The following MTCH2 variants were observed in gnomAD, a reference collection of about 807,000 sequenced individuals.
MTCH2 encodes mitochondrial carrier homolog 2.
MTCH2 carries 25 observed loss-of-function variants against 50.6 expected under a neutral mutation model. That is an observed-to-expected ratio of 0.49 (90% CI 0.36 to 0.69). The LOEUF (loss-of-function observed/expected upper bound fraction) is 0.69, where lower values mean the gene tolerates loss of function less well. Ranked by LOEUF, MTCH2 falls within the 30% of genes least tolerant of loss-of-function variation. The pLI, the probability that MTCH2 is intolerant of heterozygous loss-of-function variation, is 0.00. For synonymous variants in MTCH2, 106 were observed against 132.0 expected (o/e 0.80, Z 1.35); for missense variants, 273 against 384.4 (o/e 0.71, Z 2.42).
At chr11:47,642,345 G>T in intron 1 of MTCH2, 34 bp downstream of exon 1, 1 of 1,429,336 alleles carries the variant, frequency 7.0e-7, no homozygotes, top group South Asian at 1.3e-5. Context: ...CGAACGGGGC[G>T]CCGGGCGGGG....
the MTCH2 span, among the ~76,000 whole-genome samples, chr11:47,611,796 A>G: frequency 6.6e-6 from 1 of 152,206 alleles, no homozygotes; most frequent in African/African-American, 2.4e-5. Context: ...ATTCTTTTTC[A>G]GAGTTGCAAT....
chr11:47,637,765 A>G (rs895578447), intron 3 of MTCH2, among the ~76,000 whole-genome samples: 4 of 152,238 alleles, frequency 2.6e-5, no homozygotes, highest in African/African-American at 9.6e-5. Flanking sequence ...GTTTAAAAAA[A>G]TCACGGGCAA....
intron 3 of MTCH2, 124 bp from the exon 4 acceptor site, chr11:47,635,695 T>G: frequency 1.2e-6 from 1 of 845,550 alleles, no homozygotes; most frequent in Non-Finnish European, 1.8e-6. Context: ...TTTTGTTTTT[T>G]TTTTTAAGCT....
chr11:47,609,642 A>G, the MTCH2 span, among the ~76,000 whole-genome samples: 7 of 139,656 alleles, frequency 5.0e-5, no homozygotes, highest in African/African-American at 1.7e-4. Flanking sequence ...AAAAAAAAAA[A>G]AAAAAAAAAG....
At chr11:47,621,600 TTTC>T (rs1275759071) in intron 12 of MTCH2, among the ~76,000 whole-genome samples, 3 of 152,148 alleles carry the variant, frequency 2.0e-5, no homozygotes, top group African/African-American at 4.8e-5. Context: ...GCCCAGCTAA[TTTC>T]TTTTGTATTT....
At chr11:47,627,189 T>C (rs1486698375) in intron 9 of MTCH2, 62 bp from the exon 10 acceptor site, 4 of 1,242,102 alleles carry the variant, frequency 3.2e-6, no homozygotes, top group Non-Finnish European at 4.5e-6. Flanking sequence ...CAATATATTC[T>C]TTTTTCCTTT....
the MTCH2 span, among the ~76,000 whole-genome samples, chr11:47,606,368 G>C: frequency 6.6e-6 from 1 of 152,152 alleles, no homozygotes; most frequent in African/African-American, 2.4e-5. Flanking sequence ...CCTCTTGCTT[G>C]AACATAACCA....
chr11:47,632,704 TTTC>T (rs1380608314), intron 5 of MTCH2, among the ~76,000 whole-genome samples: 2 of 151,658 alleles, frequency 1.3e-5, no homozygotes, highest in East Asian at 3.9e-4. Context: ...AGTTTTTTCT[TTTC>T]TTTTTTTTTG....
Position 47,618,766 on chromosome 11 carries a change from C to T in MTCH2, c.*67G>A, listed in dbSNP as rs546602652. On this transcript the variant is annotated 3_prime_UTR_variant, in exon 13 of 13. Transcript: ENST00000302503. The stretch of plus-strand genomic sequence containing the variant: ...AAAGCGCGCCACACTGTATAGAAAT[C>T]AACATTCTCTCCCATAATTCTGTGC... The T allele has an allele frequency of 4.1e-6, 6 of 1,475,776 alleles. No individual in the cohort carries two copies. The highest frequency in any genetic ancestry group is 3.4e-5 in the South Asian group (3 of 88,320). 91.4% of individuals were successfully genotyped at this position (1,475,776 alleles called of 1,614,324 possible). A position where few individuals can be genotyped will look rare whatever the true frequency, so the allele number is the denominator to read the frequency against.
In MTCH2 at chr11:47,618,164, CTTATT is replaced by C. The variant is rs1463907452; in HGVS notation, c.*664_*668del. The stretch of plus-strand genomic sequence containing the variant: ...TTCTTTGTTGTTGCTGACCCTTTAT[CTTATT>C]TATTTTTTTTCAGGTAGCCTCTTGA... On this transcript the variant is annotated 3_prime_UTR_variant, in exon 13 of 13. Coordinates refer to ENST00000302503, the MANE Select transcript of MTCH2 (RefSeq NM_014342.4). 6.6e-6 allele frequency: 1 copy of C among 152,090 alleles called. No homozygotes were observed. The highest frequency in any genetic ancestry group is 1.5e-5 in the Non-Finnish European group (1 of 68,024). 9.4% of individuals were successfully genotyped at this position (152,090 alleles called of 1,614,324 possible).
chr11:47,620,719 G>A (rs1453696605), intron 12 of MTCH2, among the ~76,000 whole-genome samples: 1 of 152,120 alleles, frequency 6.6e-6, no homozygotes, highest in Non-Finnish European at 1.5e-5. Flanking sequence ...AGTACACTCT[G>A]GAGTATAAAT....
At chr11:47,631,844 C>T in intron 5 of MTCH2, 133 bp from the exon 6 acceptor site, 1 of 816,154 alleles carries the variant, frequency 1.2e-6, no homozygotes, top group Non-Finnish European at 2.0e-6. Flanking sequence ...TGGCTGGAGT[C>T]AAGAAGAGTT....
At chr11:47,638,856 T>C (rs746022302) in intron 2 of MTCH2, 51 bp from the exon 3 acceptor site, 2 of 1,584,982 alleles carry the variant, frequency 1.3e-6, no homozygotes, top group Admixed American at 1.7e-5. Context: ...GAGAAATGGA[T>C]ATACTACAAT....
At chr11:47,623,558 T>C (rs2097295282) in intron 11 of MTCH2, among the ~76,000 whole-genome samples, 1 of 152,140 alleles carries the variant, frequency 6.6e-6, no homozygotes, top group South Asian at 2.1e-4. Flanking sequence ...CCTTCAAGTT[T>C]ACACTGTGCT....
intron 5 of MTCH2, among the ~76,000 whole-genome samples, chr11:47,633,113 G>A (rs1598848054): frequency 1.8e-5 from 1 of 56,106 alleles, no homozygotes; most frequent in East Asian, 5.9e-4. Context: ...ATGTATCCCT[G>A]CTTTTTTTTT....
At chr11:47,630,949 A>T in intron 7 of MTCH2, 87 bp downstream of exon 7, 1 of 1,074,118 alleles carries the variant, frequency 9.3e-7, no homozygotes, top group Non-Finnish European at 1.4e-6. Context: ...ACAAATTGTA[A>T]GGGTATCATA....
At chr11:47,633,266 T>G (rs1049007643) in intron 5 of MTCH2, among the ~76,000 whole-genome samples, 1 of 150,342 alleles carries the variant, frequency 6.7e-6, no homozygotes, top group Admixed American at 6.7e-5. Context: ...CCTGCCACCA[T>G]GCCCAGCTAA....
At position 47,625,722 on chromosome 11, in the gene MTCH2, G is replaced by T. The variant is rs1347603459; in HGVS notation, c.701C>A (p.Thr234Asn). The T allele has an allele frequency of 6.2e-7, 1 of 1,613,274 alleles. No individual in the cohort carries two copies. Among genetic ancestry groups the T allele is most frequent in the Admixed American group, 1.7e-5 (1 of 59,990 alleles). Residue 234 changes from threonine to asparagine, a missense_variant, in exon 11 of 13, where the codon ACC (threonine) becomes AAC (asparagine). This residue lies in a region of MTCH2 where 70 missense variants were observed against 140.1 expected (regional missense o/e 0.50). Transcript: ENST00000302503. ...ATTGGAGACAAGCACAAAGGGATAGGTCAACATACTCGCAAAAAACTGTAA... is the reference window on the plus strand; with the variant it reads ...ATTGGAGACAAGCACAAAGGGATAGTTCAACATACTCGCAAAAAACTGTAA... ...AVTGFFASML[T>N]YPFVLVSNLM...
intron 8 of MTCH2, chr11:47,629,429 C>A: frequency 4.5e-6 from 1 of 219,910 alleles, no homozygotes; most frequent in Non-Finnish European, 9.3e-6. Context: ...TCATATTTGG[C>A]AGAGCAAAAG....
Sources: gnomAD v4.1 joint callset for allele counts (sites outside exome capture counted in the v4.1 genomes callset) on GRCh38, gnomAD v4.1.1 for gene constraint, gnomAD v4.1.1 regional missense constraint, MANE v1.5 for transcripts, NCBI Gene and HGNC (gene_info 2026-07-23, HGNC 2026-07-21) for gene names.